FGFR2: variants seen among roughly 807,000 people sequenced by gnomAD.
The protein encoded by FGFR2 is BEK fibroblast growth factor receptor.
In FGFR2, 19 loss-of-function variants were observed where a neutral mutation model predicts 95.9. The ratio of observed to expected loss-of-function variants is 0.20; its 90% CI spans 0.14 to 0.29. FGFR2 has a LOEUF of 0.29. Ranked by LOEUF, FGFR2 falls within the 10% of genes least tolerant of loss-of-function variation. The pLI, the probability that FGFR2 is intolerant of heterozygous loss-of-function variation, is 1.00. For synonymous variants in FGFR2, 392 were observed against 393.3 expected, an observed-to-expected ratio of 1.00 and a Z score of 0.04; for missense variants, 707 against 1,056.9, an observed-to-expected ratio of 0.67 and a Z score of 4.59.
At chr10:121,487,547 A>G (rs779369524) in intron 14 of FGFR2, 123 bp from the exon 15 acceptor site, 22 of 772,158 alleles carry the variant, frequency 2.8e-5, no homozygotes, top group Non-Finnish European at 4.9e-5. Context: ...CAGTCAATAG[A>G]GCAGAAATCA....
intron 11 of FGFR2, among the ~76,000 whole-genome samples, chr10:121,499,240 G>A (rs1012605949): frequency 1.7e-4 from 26 of 152,196 alleles, no homozygotes; most frequent in African/African-American, 5.3e-4. Flanking sequence ...CCACATACGC[G>A]GGCTCGCAGT....
intron 4 of FGFR2, among the ~76,000 whole-genome samples, chr10:121,560,129 C>A (rs1050760334): frequency 6.6e-6 from 1 of 152,138 alleles, no homozygotes; most frequent in African/African-American, 2.4e-5. Context: ...AGGCAACAGG[C>A]CTACAACTGA....
intron 9 of FGFR2, among the ~76,000 whole-genome samples, chr10:121,508,505 G>A (rs1055233015): frequency 6.6e-6 from 1 of 151,876 alleles, no homozygotes; most frequent in African/African-American, 2.4e-5. Flanking sequence ...ACAAACCCCT[G>A]GCAAAAGTTC....
intron 6 of FGFR2, among the ~76,000 whole-genome samples, chr10:121,530,897 C>T (rs1046907678): frequency 2.6e-5 from 4 of 152,218 alleles, no homozygotes; most frequent in African/African-American, 9.6e-5. Flanking sequence ...TTTGCCCAAG[C>T]TCTGACAGAA....
chr10:121,583,081 G>A (rs1479029424), intron 2 of FGFR2, among the ~76,000 whole-genome samples: 1 of 152,164 alleles, frequency 6.6e-6, no homozygotes, highest in Non-Finnish European at 1.5e-5. Context: ...AAGAGTAGGT[G>A]TTTCTGCTTT....
chr10:121,495,368 A>C (rs375738788), intron 13 of FGFR2, among the ~76,000 whole-genome samples: 1 of 152,182 alleles, frequency 6.6e-6, no homozygotes, highest in Non-Finnish European at 1.5e-5. Flanking sequence ...AAAAAACAAA[A>C]AACACAAAAC....
chr10:121,553,779 T>C (rs1326080629), intron 4 of FGFR2, among the ~76,000 whole-genome samples: 2 of 152,192 alleles, frequency 1.3e-5, no homozygotes, highest in Non-Finnish European at 2.9e-5. Context: ...TGTGCTTACA[T>C]ACCATTAGGC....
At chr10:121,556,127 T>C (rs935927756) in intron 4 of FGFR2, among the ~76,000 whole-genome samples, 4 of 150,286 alleles carry the variant, frequency 2.7e-5, no homozygotes, top group South Asian at 4.2e-4. Context: ...GATGGATGGA[T>C]GGACGGACGG....
At chr10:121,570,723 G>A (rs1858531224) in intron 2 of FGFR2, among the ~76,000 whole-genome samples, 2 of 152,196 alleles carry the variant, frequency 1.3e-5, no homozygotes, top group Admixed American at 1.3e-4. Flanking sequence ...ATGTTTCCAT[G>A]TATTTTTCAC....
At chr10:121,561,371 CT>C (rs1299416282) in intron 4 of FGFR2, among the ~76,000 whole-genome samples, 1 of 149,270 alleles carries the variant, frequency 6.7e-6, no homozygotes. Flanking sequence ...CTGCGGTGAG[CT>C]GAGATCGCAC....
intron 9 of FGFR2, among the ~76,000 whole-genome samples, chr10:121,507,868 G>A (rs1848529579): frequency 6.6e-6 from 1 of 152,210 alleles, no homozygotes; most frequent in South Asian, 2.1e-4. Context: ...CTCCATATCT[G>A]TGGGTTCCGC....
At chr10:121,542,247 C>T (rs1465642556) in intron 5 of FGFR2, among the ~76,000 whole-genome samples, 2 of 152,156 alleles carry the variant, frequency 1.3e-5, no homozygotes, top group Non-Finnish European at 2.9e-5. Context: ...ATAAGCCTGA[C>T]TATAAACACA....
chr10:121,591,111 G>T (rs576111070), intron 2 of FGFR2, among the ~76,000 whole-genome samples: 1 of 152,034 alleles, frequency 6.6e-6, no homozygotes, highest in South Asian at 2.1e-4. Flanking sequence ...ATAATTCAAT[G>T]ACCTTCCTAA....
chr10:121,539,498 T>C (rs537668092), intron 5 of FGFR2, among the ~76,000 whole-genome samples: 2 of 152,354 alleles, frequency 1.3e-5, no homozygotes, highest in South Asian at 4.1e-4. Flanking sequence ...GCCATTCTTA[T>C]GTTCTCCCCC....
intron 1 of FGFR2, chr10:121,596,612 G>T: frequency 4.9e-6 from 1 of 204,700 alleles, no homozygotes; most frequent in Non-Finnish European, 1.0e-5. Flanking sequence ...AGCTGTCAAG[G>T]GGTCAAGGCT....
chr10:121,484,946 C>T (rs2133786283), intron 16 of FGFR2, among the ~76,000 whole-genome samples: 1 of 152,178 alleles, frequency 6.6e-6, no homozygotes, highest in Admixed American at 6.5e-5. Flanking sequence ...ACGATGGGGC[C>T]AGGCGGGGGC....
chr10:121,559,229 G>A (rs1437099977), intron 4 of FGFR2, among the ~76,000 whole-genome samples: 5 of 152,010 alleles, frequency 3.3e-5, no homozygotes, highest in African/African-American at 7.2e-5. Flanking sequence ...CACCCCAGTG[G>A]CATTTTCAGA....
Position 121,595,951 on chromosome 10 carries a change from G to A in FGFR2, c.-150-1984C>T, listed in dbSNP as rs182754334. On this transcript the variant is annotated intron_variant, in intron 1 of 17. Coordinates refer to ENST00000358487, the MANE Select transcript of FGFR2 (RefSeq NM_000141.5). ...AAAACTCTGGAAGGCGGAGACCTAA[G>A]GCGACAGGTCTGCACAGTTCCTCAC... Among the ~76,000 whole-genome samples, 348 of 152,348 alleles carry A rather than the reference G, an allele frequency of 2.3e-3. 3 individuals carry two copies. Among genetic ancestry groups the A allele is most frequent in the African/African-American group, 6.0e-3 (250 of 41,592 alleles).
chr10:121,538,764 T>C lies in FGFR2; in HGVS notation c.625-49A>G, dbSNP rs750353216. 7 of 1,612,982 alleles carry C rather than the reference T, an allele frequency of 4.3e-6. No homozygotes were observed. In the South Asian group the frequency reaches 6.6e-5, roughly 15 times the overall value. On this transcript the variant is annotated intron_variant, in intron 5 of 17. Coordinates refer to ENST00000358487, the MANE Select transcript of FGFR2 (RefSeq NM_000141.5). Reference sequence around the variant, plus strand: ...GTTATTTAACAATCCTAGCACAGAATACCAAGTACTGTGCTTTCTTGATTT... The same window carrying C: ...GTTATTTAACAATCCTAGCACAGAACACCAAGTACTGTGCTTTCTTGATTT...
Sources: allele counts gnomAD v4.1 joint callset (sites outside exome capture counted in the v4.1 genomes callset), GRCh38; gene constraint gnomAD v4.1.1; transcripts MANE v1.5; gene names NCBI Gene and HGNC (gene_info 2026-07-23, HGNC 2026-07-21).